Variants in ABCA9 observed in about 807,000 individuals in gnomAD.
ABCA9 encodes ATP-binding cassette sub-family A member 9.
ABCA9 carries 183 observed loss-of-function variants against 205.3 expected under a neutral mutation model. The ratio of observed to expected loss-of-function variants is 0.89; its 90% confidence interval spans 0.79 to 1.01. The LOEUF (loss-of-function observed/expected upper bound fraction) is 1.01. ABCA9 is among the 50% of genes least tolerant of loss of function. ABCA9 has a pLI of 0.00. For synonymous variants in ABCA9, 651 were observed against 683.3 expected, an observed-to-expected ratio of 0.95 and a Z score of 0.74; for missense variants, 1,805 against 1,912.4, an observed-to-expected ratio of 0.94 and a Z score of 1.05.
rs955863730 is a variant in ABCA9, at chr17:69,043,348, C to T, written c.800+141G>A. On this transcript the variant is annotated intron_variant, in intron 6 of 38. Coordinates refer to ENST00000340001, the MANE Select transcript of ABCA9 (RefSeq NM_080283.4). ...TCACTTGCCTGCCACTCACCTCCTG[C>T]TATGTGGCCTGGTACCTAACTGGCC... is the stretch of plus-strand genomic sequence containing the variant. The T allele has an allele frequency of 5.0e-6, 3 of 600,340 alleles. No homozygotes were observed. In the African/African-American group the frequency reaches 5.6e-5, roughly 11 times the overall value. 37.2% of individuals were successfully genotyped at this position (600,340 alleles called of 1,614,324 possible). A position where few individuals can be genotyped will look rare whatever the true frequency, so the allele number is the denominator to read the frequency against.
At position 69,028,665 on chromosome 17, in the gene ABCA9, A is replaced by G. The variant is rs557033255; in HGVS notation, c.1505-20T>C. On this transcript the variant is annotated intron_variant, in intron 11 of 38. Transcript: ENST00000340001. ...CCACACCTGGCATGATTTTAAAAAA[A>G]ATTACACTCAGAGCCTACATATTAA... 19 of 1,461,658 alleles carry G rather than the reference A, an allele frequency of 1.3e-5. No homozygotes were observed. In the Admixed American group the frequency reaches 2.5e-4, roughly 19 times the overall value. 90.5% of individuals were successfully genotyped at this position (1,461,658 alleles called of 1,614,324 possible).
chr17:69,058,225 T>TC (rs1049863766), intron 1 of ABCA9, among the ~76,000 whole-genome samples: 14 of 152,156 alleles, frequency 9.2e-5, no homozygotes, highest in Non-Finnish European at 1.8e-4. Flanking sequence ...ATCAATGGTA[T>TC]CCTCTTTTGG....
chr17:68,993,194 C>G, intron 26 of ABCA9, 110 bp from the exon 27 acceptor site: 1 of 811,582 alleles, frequency 1.2e-6, no homozygotes, highest in Non-Finnish European at 2.0e-6. Context: ...AACCATTCGA[C>G]CTGATGCTCC....
rs930442532 is a variant in ABCA9, at chr17:68,985,258, C to G, written c.4209-130G>C. The G allele has an allele frequency of 9.7e-5, 108 of 1,116,840 alleles. 7 individuals are homozygous for G. Among genetic ancestry groups the G allele is most frequent in the South Asian group, 2.6e-4 (19 of 72,612 alleles). 69.2% of individuals were successfully genotyped at this position (1,116,840 alleles called of 1,614,324 possible). On this transcript the variant is annotated intron_variant, in intron 32 of 38. Transcript: ENST00000340001. ...GGTCAGAGTGGTCATAAAATTTAAA[C>G]CACCTAGGTACTTTATGAACCTTTC...
In ABCA9 at chr17:69,023,035, A is replaced by G. The variant is rs965262909; in HGVS notation, c.2282-1174T>C. Among the ~76,000 whole-genome samples the G allele has an allele frequency of 3.9e-5, 6 of 152,252 alleles. No individual in the cohort carries two copies. Among genetic ancestry groups the G allele is most frequent in the Admixed American group, 3.3e-4 (5 of 15,284 alleles). ...CAAAGATTTCTGTTTTTATAAGGAT[A>G]CATATCTCAAAGATATTGTGTATGC... On this transcript the variant is annotated intron_variant, in intron 17 of 38. Coordinates refer to ENST00000340001, the MANE Select transcript of ABCA9 (RefSeq NM_080283.4). This position sits in a 1 kb window ranked among gnomAD's most constrained non-coding sequence, Gnocchi z 4.2.
chr17:69,008,344 A>G, intron 23 of ABCA9, 109 bp from the exon 24 acceptor site: 1 of 988,418 alleles, frequency 1.0e-6, no homozygotes, highest in Non-Finnish European at 1.5e-6. Context: ...TTTTAGAAAT[A>G]TTATCCTGAT....
Position 69,045,267 on chromosome 17 carries a change from G to A in ABCA9, c.374C>T (p.Ala125Val), listed in dbSNP as rs2071673291. 6.2e-7 allele frequency: 1 copy of A among 1,613,062 alleles called. No individual in the cohort carries two copies. The highest frequency in any genetic ancestry group is 1.3e-5 in the African/African-American group (1 of 74,856). The change falls in exon 4 of 39, where the codon GCA becomes GTA. Residue 125 changes from alanine to valine, a missense_variant. Ala to Val is a moderately conservative substitution (Grantham distance 64). Coordinates refer to ENST00000340001, the MANE Select transcript of ABCA9 (RefSeq NM_080283.4). ...DELDLNYSID[A>V]VRVIFTDTFS... ...GGTATCAGTAAAGATGACTCTCACT[G>A]CGTCTATTGAATAGTTCAAATCCAA... is the stretch of plus-strand genomic sequence containing the variant.
chr17:69,058,868 G>GA (rs2072150308), intron 1 of ABCA9, among the ~76,000 whole-genome samples: 1 of 151,858 alleles, frequency 6.6e-6, no homozygotes, highest in Non-Finnish European at 1.5e-5. Flanking sequence ...CTGAGACTGA[G>GA]TAATTCATAA....
intron 37 of ABCA9, among the ~76,000 whole-genome samples, chr17:68,979,187 C>T: frequency 6.6e-6 from 1 of 152,054 alleles, no homozygotes; most frequent in Non-Finnish European, 1.5e-5. Flanking sequence ...TTCACAATTG[C>T]TTCAAATAGA....
intron 3 of ABCA9, among the ~76,000 whole-genome samples, chr17:69,046,742 C>T (rs2071717842): frequency 6.6e-6 from 1 of 151,126 alleles, no homozygotes; most frequent in Admixed American, 6.6e-5. Flanking sequence ...TTTTGGGTTT[C>T]AATTTCTTTT....
At chr17:68,977,950 A>T (rs1419300592) in intron 37 of ABCA9, among the ~76,000 whole-genome samples, 1 of 152,134 alleles carries the variant, frequency 6.6e-6, no homozygotes, top group East Asian at 1.9e-4. Context: ...AAGCATGTTG[A>T]TTTGGGGTGG....
intron 37 of ABCA9, among the ~76,000 whole-genome samples, 170 bp downstream of exon 37, chr17:68,982,392 A>G (rs1322276527): frequency 6.6e-6 from 1 of 152,172 alleles, no homozygotes; most frequent in East Asian, 1.9e-4. Flanking sequence ...AAATCTTCCC[A>G]GACATTGCCA....
Position 68,983,735 on chromosome 17 carries a change from A to G in ABCA9, c.4614T>C (p.Leu1538=). 3.1e-6 allele frequency: 5 copies of G among 1,614,218 alleles called. No individual in the cohort carries two copies. Among genetic ancestry groups the G allele is most frequent in the Non-Finnish European group, 4.2e-6 (5 of 1,180,034 alleles). Residue 1538 remains leucine (L), a synonymous_variant, in exon 36 of 39, where the codon CTT becomes CTC. Coordinates refer to ENST00000340001, the MANE Select transcript of ABCA9 (RefSeq NM_080283.4). ...MEPLHAEILR[L]FPQAAQQERF... ...TTTCCTGCTGAGCAGCCTGGGGGAA[A>G]AGCCTCAGGATCTCTGCATGGAGGG...
the ABCA9 span, among the ~76,000 whole-genome samples, chr17:69,078,502 C>T: frequency 6.6e-6 from 1 of 152,044 alleles, no homozygotes; most frequent in Non-Finnish European, 1.5e-5. Flanking sequence ...TGGCCCCTTA[C>T]TTTTGAGTTT....
At chr17:68,976,044 G>A (rs1598318839) in intron 38 of ABCA9, 31 bp from the exon 39 acceptor site, 1 of 1,607,930 alleles carries the variant, frequency 6.2e-7, no homozygotes, top group East Asian at 2.2e-5. Context: ...AAAGAGAGGA[G>A]AACAATGCCA....
intron 18 of ABCA9, 194 bp from the exon 19 acceptor site, chr17:69,020,780 G>T: frequency 5.9e-6 from 3 of 504,632 alleles, no homozygotes; most frequent in Non-Finnish European, 6.9e-6. Context: ...TATAATAAAA[G>T]AAAATCTTGT....
At chr17:69,014,088 T>C (rs1245939230) in intron 22 of ABCA9, among the ~76,000 whole-genome samples, 1 of 152,144 alleles carries the variant, frequency 6.6e-6, no homozygotes, top group Non-Finnish European at 1.5e-5. Context: ...TCAAATATAA[T>C]AGATAATGAA....
chr17:68,987,754 GT>G (rs1441587722), intron 31 of ABCA9, among the ~76,000 whole-genome samples: 1 of 85,340 alleles, frequency 1.2e-5, no homozygotes, highest in Non-Finnish European at 3.3e-5. Context: ...TTGTTTGTTT[GT>G]TTGTTTGTTT....
intron 22 of ABCA9, among the ~76,000 whole-genome samples, chr17:69,013,492 T>C (rs1438471004): frequency 6.6e-6 from 1 of 152,098 alleles, no homozygotes; most frequent in African/African-American, 2.4e-5. Flanking sequence ...TCTCATATCT[T>C]TGCCTGTGGA....
Sources: gnomAD v4.1 joint callset for allele counts (sites outside exome capture counted in the v4.1 genomes callset) on GRCh38, gnomAD v4.1.1 for gene constraint, Gnocchi (gnomAD v3.1) non-coding constraint, MANE v1.5 for transcripts, NCBI Gene and HGNC (gene_info 2026-07-23, HGNC 2026-07-21) for gene names.